The following ITPR3 variants were observed in gnomAD, a reference collection of about 807,000 sequenced individuals.
ITPR3 encodes the protein inositol 1,4,5-trisphosphate-gated calcium channel ITPR3.
ITPR3 carries 173 observed loss-of-function variants against 293.2 expected under a neutral mutation model. The observed-to-expected ratio is 0.59, with a 90% CI of 0.52 to 0.67. The LOEUF (loss-of-function observed/expected upper bound fraction) is 0.67. Among genes scored for constraint, ITPR3 ranks in the 30% least tolerant of loss-of-function variants. The pLI, the probability that ITPR3 is intolerant of heterozygous loss-of-function variation, is 0.00. For missense variants in ITPR3, 2,796 were observed against 3,592.1 expected (o/e 0.78, Z 5.66); for synonymous variants, 1,295 against 1,444.4 (o/e 0.90, Z 2.35).
intron 2 of ITPR3, among the ~76,000 whole-genome samples, chr6:33,641,033 A>G (rs1355445207): frequency 2.0e-5 from 3 of 152,052 alleles, no homozygotes; most frequent in Admixed American, 2.0e-4. Flanking sequence ...CCTGTGTGTG[A>G]GTCCTGCCCT....
In ITPR3 at chr6:33,683,871, C is replaced by G. The variant is rs532020492; in HGVS notation, c.4789-149C>G. The stretch of plus-strand genomic sequence containing the variant: ...CAGGGCTCTGAGCAGACAGACATCA[C>G]GCTGTGTTCAGGGTGTCTCTGTGGG... On this transcript the variant is annotated intron_variant, in intron 35 of 57. Transcript: ENST00000605930. This position sits in a 1 kb window ranked among gnomAD's most constrained non-coding sequence, Gnocchi z 4.5. 1 of 832,504 alleles carries G rather than the reference C, an allele frequency of 1.2e-6. No individual in the cohort carries two copies. Among genetic ancestry groups the G allele is most frequent in the Non-Finnish European group, 1.8e-6 (1 of 548,704 alleles). The allele number at this position is 832,504 out of a possible 1,614,324, so 51.6% of individuals were successfully genotyped here.
chr6:33,672,906 T>C lies in ITPR3; in HGVS notation c.2928+678T>C, dbSNP rs1017826274. Among the ~76,000 whole-genome samples, 2 of 152,140 alleles carry C rather than the reference T, an allele frequency of 1.3e-5. No homozygotes were observed. The highest frequency in any genetic ancestry group is 4.8e-5 in the African/African-American group (2 of 41,430). ...CAGCCACACCCCAGGAAGGGGCTCATCCCCGAGGAGGGATGAGGATGCTTG... is the reference window on the plus strand; with the variant it reads ...CAGCCACACCCCAGGAAGGGGCTCACCCCCGAGGAGGGATGAGGATGCTTG... On this transcript the variant is annotated intron_variant, in intron 22 of 57. Coordinates refer to ENST00000605930, the MANE Select transcript of ITPR3 (RefSeq NM_002224.4). The surrounding 1 kb of genome is among the most constrained non-coding windows in gnomAD (Gnocchi z 5.0).
In ITPR3 at chr6:33,672,265, TA is replaced by T; in HGVS notation, c.2928+38del. ...AGGACCGTGTGGGAGGTGTTGGGTATAGGGGGAGGGTAATGGGGCGGGTACA... is the reference window on the plus strand; with the variant it reads ...AGGACCGTGTGGGAGGTGTTGGGTATGGGGGAGGGTAATGGGGCGGGTACA... On this transcript the variant is annotated intron_variant, in intron 22 of 57. Transcript: ENST00000605930. This position sits in a 1 kb window ranked among gnomAD's most constrained non-coding sequence, Gnocchi z 5.0. 6.4e-7 allele frequency: 1 copy of T among 1,566,062 alleles called. No individual in the cohort carries two copies. Among genetic ancestry groups the T allele is most frequent in the Non-Finnish European group, 8.8e-7 (1 of 1,141,822 alleles).
intron 1 of ITPR3, among the ~76,000 whole-genome samples, chr6:33,626,421 T>A: frequency 6.6e-6 from 1 of 152,140 alleles, no homozygotes; most frequent in South Asian, 2.1e-4. Context: ...GGTGTTAGAT[T>A]TTTAAAAAGT....
At chr6:33,694,124 T>C (rs1179425457) in intron 56 of ITPR3, among the ~76,000 whole-genome samples, 4 of 151,810 alleles carry the variant, frequency 2.6e-5, no homozygotes, top group African/African-American at 9.7e-5. Context: ...TCTCAGGGAG[T>C]GTTTTCTAGC....
rs1368589375 is a variant in ITPR3, at chr6:33,675,111, TG to T, written c.3117-577del. ...CCATGAATCCCCCGCATGGTGGCAG[TG>T]GGATCTGTGTTAAGAGTCCTTGTTT... On this transcript the variant is annotated intron_variant, in intron 24 of 57. Transcript: ENST00000605930. The surrounding 1 kb of genome is among the most constrained non-coding windows in gnomAD (Gnocchi z 5.0). Among the ~76,000 whole-genome samples the T allele has an allele frequency of 6.6e-6, 1 of 152,190 alleles. No individual in the cohort carries two copies. The highest frequency in any genetic ancestry group is 1.5e-5 in the Non-Finnish European group (1 of 68,026).
chr6:33,655,928 C>A lies in ITPR3; in HGVS notation c.282+41C>A, dbSNP rs200898330. On this transcript the variant is annotated intron_variant, in intron 3 of 57. Transcript: ENST00000605930. The surrounding 1 kb of genome is among the most constrained non-coding windows in gnomAD (Gnocchi z 4.9). ...CAGGCGTGCATCTGTGCACATGTAC[C>A]AGGAACCTGGGTACACAAGCAGCGG... The A allele has an allele frequency of 1.2e-4, 196 of 1,611,338 alleles. No homozygotes were observed. In the East Asian group the frequency reaches 1.2e-3, roughly 10 times the overall value.
chr6:33,691,726 G>C lies in ITPR3; in HGVS notation c.7330+7G>C. ...GTGCCTGAGGTCCTGGAAGGTGAGG[G>C]TGGTGTGTGTGCAGGAGTCTGTGTG... On this transcript the variant is annotated splice_region_variant and intron_variant, in intron 53 of 57. Transcript: ENST00000605930. The surrounding 1 kb of genome is among the most constrained non-coding windows in gnomAD (Gnocchi z 4.9). The C allele has an allele frequency of 1.2e-6, 2 of 1,614,014 alleles. No individual in the cohort carries two copies. The highest frequency in any genetic ancestry group is 1.7e-6 in the Non-Finnish European group (2 of 1,179,928).
chr6:33,684,001 T>A lies in ITPR3; in HGVS notation c.4789-19T>A. ...GTCATTTCTTGGGCCTGGCAATGAC[T>A]CTGCCCTGCCCACCCCAGGACATCA... is the stretch of plus-strand genomic sequence containing the variant. On this transcript the variant is annotated intron_variant, in intron 35 of 57. Transcript: ENST00000605930. The surrounding 1 kb of genome is among the most constrained non-coding windows in gnomAD (Gnocchi z 4.2). The A allele has an allele frequency of 6.3e-7, 1 of 1,582,040 alleles. No individual in the cohort carries two copies. The highest frequency in any genetic ancestry group is 8.6e-7 in the Non-Finnish European group (1 of 1,162,582).
rs925740792 is a variant in ITPR3 at position 33,690,806 on chromosome 6, T to C, written c.7033-111T>C. 14 of 999,466 alleles carry C rather than the reference T, an allele frequency of 1.4e-5. No homozygotes were observed. In the East Asian group the frequency reaches 1.5e-4, roughly 11 times the overall value. 61.9% of individuals were successfully genotyped at this position (999,466 alleles called of 1,614,324 possible). On this transcript the variant is annotated intron_variant, in intron 51 of 57. Coordinates refer to ENST00000605930, the MANE Select transcript of ITPR3 (RefSeq NM_002224.4). Reference sequence around the variant, plus strand: ...AGTGCAGACCTCCCTGGAGGAGCCTTGGGAAACTGTCTGGAGCCCAGGCAG... The same window carrying C: ...AGTGCAGACCTCCCTGGAGGAGCCTCGGGAAACTGTCTGGAGCCCAGGCAG...
intron 2 of ITPR3, among the ~76,000 whole-genome samples, chr6:33,643,967 A>C (rs974939472): frequency 6.6e-6 from 1 of 152,248 alleles, no homozygotes; most frequent in African/African-American, 2.4e-5. Context: ...CGAGGCAGTC[A>C]GGTCACGAGG....
In ITPR3 at chr6:33,680,688, TCTC is replaced by T. The variant is rs1765049560; in HGVS notation, c.4476+12_4476+14del. 3 of 1,609,648 alleles carry T rather than the reference TCTC, an allele frequency of 1.9e-6. No homozygotes were observed. The highest frequency in any genetic ancestry group is 2.6e-6 in the Non-Finnish European group (3 of 1,176,314). ...AACAGCACTTCCCTGCAGGTGAGCTTCTCCTCTCCCACCACCCCAGGGCCGACT... is the reference window on the plus strand; with the variant it reads ...AACAGCACTTCCCTGCAGGTGAGCTTCTCTCCCACCACCCCAGGGCCGACT... On this transcript the variant is annotated intron_variant, in intron 33 of 57. Coordinates refer to ENST00000605930, the MANE Select transcript of ITPR3 (RefSeq NM_002224.4).
At chr6:33,671,338 G>C (rs780386368) in intron 21 of ITPR3, 32 bp downstream of exon 21, 1 of 1,541,338 alleles carries the variant, frequency 6.5e-7, no homozygotes, top group South Asian at 1.1e-5. Flanking sequence ...GGCCACCCTG[G>C]TGGTCCTCAG....
At position 33,683,973 on chromosome 6, in the gene ITPR3, C is replaced by T. The variant is rs1235598764; in HGVS notation, c.4789-47C>T. 2.4e-5 allele frequency: 38 copies of T among 1,551,532 alleles called. No individual in the cohort carries two copies. Among genetic ancestry groups the T allele is most frequent in the Non-Finnish European group, 3.0e-5 (35 of 1,148,486 alleles). ...GGGTCGGAGGAATGGCAGTCACACCCGGGTCATTTCTTGGGCCTGGCAATG... is the reference window on the plus strand; with the variant it reads ...GGGTCGGAGGAATGGCAGTCACACCTGGGTCATTTCTTGGGCCTGGCAATG... On this transcript the variant is annotated intron_variant, in intron 35 of 57. Transcript: ENST00000605930. The surrounding 1 kb of genome is among the most constrained non-coding windows in gnomAD (Gnocchi z 4.5).
chr6:33,636,536 G>T lies in ITPR3; in HGVS notation c.90-3948G>T, dbSNP rs544515281. 1.3e-4 allele frequency among the ~76,000 whole-genome samples: 20 copies of T among 152,110 alleles called. No homozygotes were observed. In the East Asian group the frequency reaches 1.9e-3, roughly 15 times the overall value. On this transcript the variant is annotated intron_variant, in intron 1 of 57. Coordinates refer to ENST00000605930, the MANE Select transcript of ITPR3 (RefSeq NM_002224.4). ...TTTCCTGACAGGTTAGGTGTGAGGT[G>T]TGAGTGGAAGGGAGGAGCCAAGGAT... is the stretch of plus-strand genomic sequence containing the variant.
rs113295587 is a variant in ITPR3 at position 33,680,085 on chromosome 6, G to A, written c.4176G>A (p.Pro1392=). 8.0e-5 allele frequency: 129 copies of A among 1,613,702 alleles called. 2 individuals carry two copies. Among genetic ancestry groups the A allele is most frequent in the African/African-American group, 7.6e-4 (57 of 75,056 alleles). The part of the protein sequence containing the change: ...YTEIKCTSLL[P]LEDVVSVVTH... Reference sequence around the variant, plus strand: ...AGATCAAGTGCACCTCCCTGCTGCCGCTGGAGGACGTGGTGTCTGTGGTGA... The same window carrying A: ...AGATCAAGTGCACCTCCCTGCTGCCACTGGAGGACGTGGTGTCTGTGGTGA... Residue 1392 remains proline, a synonymous_variant, in exon 31 of 58, where the codon CCG becomes CCA. Transcript: ENST00000605930.
chr6:33,659,201 G>C, intron 6 of ITPR3, 82 bp downstream of exon 6: 1 of 1,331,180 alleles, frequency 7.5e-7, no homozygotes, highest in Non-Finnish European at 1.1e-6. Flanking sequence ...CCCTGCCATG[G>C]TCTCTGCCTC....
intron 56 of ITPR3, chr6:33,694,694 C>G: frequency 1.8e-6 from 1 of 545,996 alleles, no homozygotes; most frequent in East Asian, 3.2e-5. Context: ...CCGACGCTGC[C>G]TAACGGAAGT....
chr6:33,653,278 C>CTTT (rs56048235), intron 2 of ITPR3, among the ~76,000 whole-genome samples: 1 of 132,078 alleles, frequency 7.6e-6, no homozygotes, highest in Non-Finnish European at 1.6e-5. Context: ...TTTTTATTAA[C>CTTT]TTTTTTTTTT....
Sources: gnomAD v4.1 joint callset for allele counts (sites outside exome capture counted in the v4.1 genomes callset) on GRCh38, gnomAD v4.1.1 for gene constraint, Gnocchi (gnomAD v3.1) non-coding constraint, MANE v1.5 for transcripts, NCBI Gene and HGNC (gene_info 2026-07-23, HGNC 2026-07-21) for gene names.